The following BCAS4 variants were observed in gnomAD, a reference collection of about 807,000 sequenced individuals.
BCAS4 encodes breast carcinoma-amplified sequence 4.
A neutral mutation model predicts 15.7 loss-of-function variants in BCAS4; 9 were observed. That is an observed-to-expected ratio of 0.57 (90% CI 0.34 to 1.00). BCAS4 has a LOEUF of 1.00. Ranked by LOEUF, BCAS4 falls within the 50% of genes least tolerant of loss-of-function variation. The probability of loss-of-function intolerance (pLI) is 0.02; values close to 1 mark genes in which losing one functional copy is unlikely to be tolerated. For synonymous variants in BCAS4, 101 were observed against 99.5 expected (o/e 1.02, Z -0.09); for missense variants, 225 against 239.1 (o/e 0.94, Z 0.39).
rs1055566688 is a variant in BCAS4, at chr20:50,873,071, C to T, written c.400-3415C>T. On this transcript the variant is annotated intron_variant, in intron 4 of 4. Coordinates refer to ENST00000371608, the MANE Select transcript of BCAS4 (RefSeq NM_198799.4). The stretch of plus-strand genomic sequence containing the variant: ...TGTCCAAATGCAGGGATGACCTTTC[C>T]CCTCTGTGACCAGGAAGGATGCAAT... 2.6e-5 allele frequency among the ~76,000 whole-genome samples: 4 copies of T among 152,224 alleles called. No homozygotes were observed. The East Asian group carries it at 7.7e-4, about 29-fold the overall frequency.
At chr20:50,848,466 C>T (rs1356442293) in intron 4 of BCAS4, among the ~76,000 whole-genome samples, 1 of 152,184 alleles carries the variant, frequency 6.6e-6, no homozygotes, top group African/African-American at 2.4e-5. Flanking sequence ...GCTAGTCCAG[C>T]GTGGGCTGCC....
chr20:50,798,219 C>G (rs1232001560), intron 1 of BCAS4, among the ~76,000 whole-genome samples: 1 of 151,940 alleles, frequency 6.6e-6, no homozygotes, highest in African/African-American at 2.4e-5. Context: ...ACGCTTGAAC[C>G]TGGGAGGTGG....
chr20:50,820,123 A>G (rs984914824), intron 2 of BCAS4, among the ~76,000 whole-genome samples: 8 of 152,326 alleles, frequency 5.3e-5, no homozygotes, highest in Non-Finnish European at 7.3e-5. Flanking sequence ...GATTGATTAT[A>G]GGCGTGAGCC....
At chr20:50,798,228 G>A (rs1056823160) in intron 1 of BCAS4, among the ~76,000 whole-genome samples, 2 of 151,970 alleles carry the variant, frequency 1.3e-5, no homozygotes, top group Admixed American at 6.6e-5. Context: ...CCTGGGAGGT[G>A]GAGGTTGCAG....
At chr20:50,863,547 C>G (rs1979202334) in intron 4 of BCAS4, among the ~76,000 whole-genome samples, 1 of 152,276 alleles carries the variant, frequency 6.6e-6, no homozygotes, top group Middle Eastern at 3.4e-3. Context: ...CATGAGACAT[C>G]ACACCCGGCC....
At chr20:50,859,103 T>C (rs2123832886) in intron 4 of BCAS4, among the ~76,000 whole-genome samples, 1 of 151,840 alleles carries the variant, frequency 6.6e-6, no homozygotes, top group South Asian at 2.1e-4. Context: ...GCCCGGCTAA[T>C]TTATTATTAT....
intron 4 of BCAS4, among the ~76,000 whole-genome samples, chr20:50,844,168 G>A (rs1282122807): frequency 6.6e-6 from 1 of 151,826 alleles, no homozygotes; most frequent in Non-Finnish European, 1.5e-5. Context: ...GCACATTAGG[G>A]GCCAGATGTG....
chr20:50,866,473 C>T (rs111460147), intron 4 of BCAS4, among the ~76,000 whole-genome samples: 3 of 152,238 alleles, frequency 2.0e-5, no homozygotes, highest in South Asian at 2.1e-4. Context: ...TGTGGGCCTG[C>T]GGTGGCCAGA....
At chr20:50,872,636 G>T (rs955178346) in intron 4 of BCAS4, among the ~76,000 whole-genome samples, 1 of 151,644 alleles carries the variant, frequency 6.6e-6, no homozygotes, top group African/African-American at 2.4e-5. Context: ...GAAATGGACA[G>T]ACAGGCGGAA....
chr20:50,795,296 C>A (rs1439276099), intron 1 of BCAS4, 123 bp downstream of exon 1: 4 of 930,032 alleles, frequency 4.3e-6, no homozygotes, highest in Non-Finnish European at 5.7e-6. Flanking sequence ...GGATTCCCCC[C>A]TTCCTGAAGG....
chr20:50,803,713 C>T (rs1472434835), intron 1 of BCAS4, among the ~76,000 whole-genome samples: 1 of 150,068 alleles, frequency 6.7e-6, no homozygotes, highest in African/African-American at 2.5e-5. Context: ...GGTGTGGTGG[C>T]ACACACCTGT....
intron 4 of BCAS4, among the ~76,000 whole-genome samples, chr20:50,862,192 C>A (rs1258674695): frequency 6.6e-6 from 1 of 151,976 alleles, no homozygotes; most frequent in Non-Finnish European, 1.5e-5. Context: ...CACTTCCCCT[C>A]ATTTTCCCCT....
At chr20:50,839,801 C>T (rs111472622) in intron 3 of BCAS4, among the ~76,000 whole-genome samples, 17 of 152,300 alleles carry the variant, frequency 1.1e-4, no homozygotes, top group African/African-American at 4.1e-4. Flanking sequence ...AGCTATTCCA[C>T]CTGGCCAAGG....
In BCAS4 at chr20:50,817,253, A is replaced by G. The variant is rs116912573; in HGVS notation, c.91-958A>G. On this transcript the variant is annotated intron_variant, in intron 1 of 4. Transcript: ENST00000371608. ...GCTCCCGGCCATGGACCCTTTACAT[A>G]ACATAAAAAATTCAAGTTTCCCTTG... is the stretch of plus-strand genomic sequence containing the variant. Among the ~76,000 whole-genome samples the G allele has an allele frequency of 4.2e-3, 640 of 152,212 alleles. 5 individuals carry two copies. Among genetic ancestry groups the G allele is most frequent in the East Asian group, 0.037 (192 of 5,176 alleles).
chr20:50,880,668 GTCACTGCAGA>G (rs1980102835), downstream of BCAS4: 1 of 152,102 alleles, frequency 6.6e-6, no homozygotes, highest in Admixed American at 6.6e-5. Context: ...CAGTAGAAAG[GTCACTGCAGA>G]TTTCTTCCCA....
At chr20:50,860,856 T>C (rs6020801) in intron 4 of BCAS4, among the ~76,000 whole-genome samples, 67,742 of 151,740 alleles carry the variant, frequency 0.45, 18,149 homozygotes, top group African/African-American at 0.77. Flanking sequence ...CCTGGCGACA[T>C]AGCGAGACTC....
chr20:50,804,632 C>T (rs191453950), intron 1 of BCAS4, among the ~76,000 whole-genome samples: 138 of 152,300 alleles, frequency 9.1e-4, no homozygotes, highest in Non-Finnish European at 1.5e-3. Flanking sequence ...AGATTGAGTG[C>T]GTTTAGGGCA....
At chr20:50,807,921 T>TC (rs1411985830) in intron 1 of BCAS4, among the ~76,000 whole-genome samples, 1 of 149,456 alleles carries the variant, frequency 6.7e-6, no homozygotes, top group Non-Finnish European at 1.5e-5. Context: ...TTTTTTTTTT[T>TC]CTTCAGACGG....
At chr20:50,826,609 A>C (rs537698327) in intron 2 of BCAS4, among the ~76,000 whole-genome samples, 28 of 152,266 alleles carry the variant, frequency 1.8e-4, no homozygotes, top group Non-Finnish European at 3.5e-4. Context: ...GTGCCTCGCT[A>C]TGTTGCCCAG....
Sources: gnomAD v4.1 joint callset for allele counts (sites outside exome capture counted in the v4.1 genomes callset) on GRCh38, gnomAD v4.1.1 for gene constraint, MANE v1.5 for transcripts, NCBI Gene and HGNC (gene_info 2026-07-23, HGNC 2026-07-21) for gene names.